The following SALL1 variants were observed in gnomAD, a reference collection of about 807,000 sequenced individuals.
SALL1 encodes the protein sal-like protein 1.
In SALL1, 10 loss-of-function variants were observed where a neutral mutation model predicts 73.1. The observed-to-expected ratio is 0.14, with a 90% CI of 0.08 to 0.23. SALL1 has a LOEUF of 0.23. SALL1 is among the 10% of genes least tolerant of loss of function. The pLI is 1.00. For missense variants in SALL1, 1,520 were observed against 1,697.3 expected, an observed-to-expected ratio of 0.90 and a Z score of 1.84; for synonymous variants, 688 against 689.8, an observed-to-expected ratio of 1.00 and a Z score of 0.04.
At chr16:51,137,611 G>C in intron 2 of SALL1, 59 bp from the exon 3 acceptor site, 2 of 1,364,332 alleles carry the variant, frequency 1.5e-6, no homozygotes, top group Non-Finnish European at 2.1e-6. Flanking sequence ...AAAAGAGGAG[G>C]GGGAGAGAAG....
In SALL1 at chr16:51,139,446, T is replaced by C. The variant is rs1363143222; in HGVS notation, c.2776A>G (p.Met926Val). The change falls in exon 2 of 3, where the codon ATG (methionine) becomes GTG (valine). Residue 926 changes from methionine (M) to valine (V), a missense_variant. Met to Val is a conservative substitution (Grantham distance 21). This residue lies in a region of SALL1 where 266 missense variants were observed against 275.1 expected (regional missense o/e 0.97). Transcript: ENST00000251020. ...SPAISESTSS[M>V]QALSPSNSTQ... ...CTGTTGGACGGGGACAGAGCCTGCA[T>C]GGAAGAGGTAGACTCTGAGATGGCT... 6.2e-7 allele frequency: 1 copy of C among 1,614,158 alleles called. No homozygotes were observed. The highest frequency in any genetic ancestry group is 1.3e-5 in the African/African-American group (1 of 75,028).
At chr16:51,142,588 A>G (rs1962461064) in intron 1 of SALL1, among the ~76,000 whole-genome samples, 1 of 152,176 alleles carries the variant, frequency 6.6e-6, no homozygotes, top group South Asian at 2.1e-4. Context: ...CTGTCACTAA[A>G]CTAATTTGTA....
chr16:51,144,606 A>T lies in SALL1; in HGVS notation c.77-2461T>A, dbSNP rs549950615. Among the ~76,000 whole-genome samples the T allele has an allele frequency of 9.3e-4, 142 of 152,324 alleles. 1 individual carries two copies. Among genetic ancestry groups the T allele is most frequent in the African/African-American group, 3.4e-3 (140 of 41,582 alleles). Reference sequence around the variant, plus strand: ...TGTGCTCACGATTAAAAGAGATTTTAATTCTTTATAACTTGCAAACATCTG... The same window carrying T: ...TGTGCTCACGATTAAAAGAGATTTTTATTCTTTATAACTTGCAAACATCTG... On this transcript the variant is annotated intron_variant, in intron 1 of 2. Coordinates refer to ENST00000251020, the MANE Select transcript of SALL1 (RefSeq NM_002968.3).
At chr16:51,146,537 G>C (rs1962520603) in intron 1 of SALL1, among the ~76,000 whole-genome samples, 1 of 152,200 alleles carries the variant, frequency 6.6e-6, no homozygotes, top group African/African-American at 2.4e-5. Context: ...CTGAGCTATG[G>C]GAACTACCTG....
chr16:51,147,800 C>CAT (rs1325773373), intron 1 of SALL1, among the ~76,000 whole-genome samples: 2 of 151,956 alleles, frequency 1.3e-5, no homozygotes, highest in East Asian at 3.9e-4. Context: ...CACACACACA[C>CAT]ACACACACAT....
rs771737045 is a variant in SALL1 at position 51,137,082 on chromosome 16, A to G, written c.*30T>C. On this transcript the variant is annotated 3_prime_UTR_variant, in exon 3 of 3. Coordinates refer to ENST00000251020, the MANE Select transcript of SALL1 (RefSeq NM_002968.3). ...ACCATAGGTCGCATTCTGAACAGGA[A>G]TGAATGCTATGTCTCCAGCCCGAGC... The G allele has an allele frequency of 1.2e-6, 2 of 1,610,392 alleles. No homozygotes were observed. The highest frequency in any genetic ancestry group is 2.2e-5 in the South Asian group (2 of 90,962).
chr16:51,138,632 C>T (rs2053007525), intron 2 of SALL1, 56 bp downstream of exon 2: 2 of 1,568,772 alleles, frequency 1.3e-6, no homozygotes, highest in East Asian at 4.5e-5. Flanking sequence ...TATAGATAAT[C>T]AATGGCAGTG....
At chr16:51,150,355 A>G (rs1201937002) in intron 1 of SALL1, 2 of 968,718 alleles carry the variant, frequency 2.1e-6, no homozygotes, top group Admixed American at 1.2e-4. Flanking sequence ...AGGGAGCACC[A>G]CGATCCGCAG....
Position 51,139,011 on chromosome 16 carries a change from G to T in SALL1, c.3211C>A (p.Gln1071Lys). 1.2e-6 allele frequency: 2 copies of T among 1,614,188 alleles called. No individual in the cohort carries two copies. The highest frequency in any genetic ancestry group is 1.7e-6 in the Non-Finnish European group (2 of 1,180,040). The change falls in exon 2 of 3, where the codon CAG becomes AAG. Residue 1071 changes from glutamine (Q) to lysine (K), a missense_variant. By Grantham distance (53) the Gln-to-Lys change is moderately conservative (BLOSUM62 1). Around this residue, in one of 7 missense-constraint regions of SALL1, gnomAD observed 318 missense variants for 357.1 expected, o/e 0.89. Coordinates refer to ENST00000251020, the MANE Select transcript of SALL1 (RefSeq NM_002968.3). ...FEPSSNLGPN[Q>K]NSAVIPANSL... ...TTGGCGGGAATCACCGCTGAGTTCT[G>T]ATTGGGGCCAAGGTTGGAACTGGGC...
chr16:51,140,317 C>G lies in SALL1; in HGVS notation c.1905G>C (p.Pro635=). 6.2e-7 allele frequency: 1 copy of G among 1,614,092 alleles called. No homozygotes were observed. Among genetic ancestry groups the G allele is most frequent in the South Asian group, 1.1e-5 (1 of 91,078 alleles). Residue 635 remains proline (P), a synonymous_variant, in exon 2 of 3, where the codon CCG becomes CCC. Transcript: ENST00000251020. The surrounding 1 kb of genome is among the most constrained non-coding windows in gnomAD (Gnocchi z 5.7). The stretch of plus-strand genomic sequence containing the variant: ...AGCTCAGGACGCTACTGCTCGCCGT[C>G]GGGACTGAGTTGGTGACCATGCCAC... The part of the protein sequence containing the change: ...EESGMVTNSV[P]TASSSVLSSP...
At chr16:51,150,378 G>A (rs1029697105) in intron 1 of SALL1, 4 of 984,580 alleles carry the variant, frequency 4.1e-6, no homozygotes, top group Middle Eastern at 5.2e-4. Flanking sequence ...GGCGCATACC[G>A]ACCAGAAAGA....
At chr16:51,144,885 T>C (rs1962492721) in intron 1 of SALL1, among the ~76,000 whole-genome samples, 1 of 152,116 alleles carries the variant, frequency 6.6e-6, no homozygotes, top group South Asian at 2.1e-4. Context: ...TATTTTAGCT[T>C]AGGTTTTCAC....
At chr16:51,151,608 G>T (rs2143481067), upstream of SALL1, among the ~76,000 whole-genome samples, 1 of 151,538 alleles carries the variant, frequency 6.6e-6, no homozygotes, top group South Asian at 2.1e-4. Flanking sequence ...CCCGACACTG[G>T]GTTAACCCTC....
chr16:51,149,528 G>A (rs764439914), intron 1 of SALL1: 1 of 152,200 alleles, frequency 6.6e-6, no homozygotes, highest in Non-Finnish European at 1.5e-5. Flanking sequence ...GCTTTCGCTT[G>A]GGGTGGAAAG....
Position 51,139,549 on chromosome 16 carries a change from C to G in SALL1, c.2673G>C (p.Gly891=), listed in dbSNP as rs149991313. ...LQASLKSVEN[G]SIEGDVLTND... ...TGGTCAGGACATCCCCCTCGATGGA[C>G]CCATTCTCCACTGACTTCAGGCTGG... Residue 891 remains glycine (G), a synonymous_variant, in exon 2 of 3, where the codon GGG becomes GGC. Transcript: ENST00000251020. The G allele has an allele frequency of 6.2e-7, 1 of 1,614,226 alleles. No individual in the cohort carries two copies. Among genetic ancestry groups the G allele is most frequent in the African/African-American group, 1.3e-5 (1 of 75,060 alleles).
chr16:51,137,040 G>C lies in SALL1; in HGVS notation c.*72C>G. Reference sequence around the variant, plus strand: ...AGGAAGGGGCGGGGCGGGGTGGGGGGCAAGGAGTAGGAGGCCACCATAGGT... The same window carrying C: ...AGGAAGGGGCGGGGCGGGGTGGGGGCCAAGGAGTAGGAGGCCACCATAGGT... On this transcript the variant is annotated 3_prime_UTR_variant, in exon 3 of 3. Transcript: ENST00000251020. 7.0e-7 allele frequency: 1 copy of C among 1,421,188 alleles called. No homozygotes were observed. Among genetic ancestry groups the C allele is most frequent in the Admixed American group, 1.8e-5 (1 of 56,758 alleles). The allele number at this position is 1,421,188 out of a possible 1,614,324, so 88.0% of individuals were successfully genotyped here.
At chr16:51,151,078 G>C in intron 1 of SALL1, 88 bp downstream of exon 1, 1 of 903,968 alleles carries the variant, frequency 1.1e-6, no homozygotes, top group Non-Finnish European at 1.6e-6. Context: ...GGTAGGGGGC[G>C]CGGGGGCCAG....
Position 51,151,147 on chromosome 16 carries a change from C to G in SALL1, c.76+19G>C, listed in dbSNP as rs2143479196. 4.4e-6 allele frequency: 7 copies of G among 1,577,120 alleles called. No individual in the cohort carries two copies. The highest frequency in any genetic ancestry group is 6.0e-6 in the Non-Finnish European group (7 of 1,164,082). On this transcript the variant is annotated intron_variant, in intron 1 of 2. Coordinates refer to ENST00000251020, the MANE Select transcript of SALL1 (RefSeq NM_002968.3). Reference sequence around the variant, plus strand: ...TGAGTGCGTGTGTGTGTGTCCACGGCGCGGGCCGGAGCACTCACCATCTCG... The same window carrying G: ...TGAGTGCGTGTGTGTGTGTCCACGGGGCGGGCCGGAGCACTCACCATCTCG...
chr16:51,147,483 C>T (rs576143647), intron 1 of SALL1, among the ~76,000 whole-genome samples: 3 of 151,988 alleles, frequency 2.0e-5, no homozygotes, highest in African/African-American at 4.8e-5. Context: ...TTACAGTTCT[C>T]GCTAACCTTT....
Sources: allele counts gnomAD v4.1 joint callset (sites outside exome capture counted in the v4.1 genomes callset), GRCh38; gene constraint gnomAD v4.1.1; regional missense constraint gnomAD v4.1.1; non-coding constraint Gnocchi (gnomAD v3.1); transcripts MANE v1.5; gene names NCBI Gene and HGNC (gene_info 2026-07-23, HGNC 2026-07-21).